The following ANKRD26 variants were observed in gnomAD, a reference collection of about 807,000 sequenced individuals.
The protein encoded by ANKRD26 is ankyrin repeat domain 26, also known as ankyrin repeat domain-containing protein 26.
Under a neutral mutation model 208.7 loss-of-function variants are expected in ANKRD26, and 141 were observed. That is an observed-to-expected ratio of 0.68 (90% CI 0.59 to 0.78). The LOEUF (loss-of-function observed/expected upper bound fraction) is 0.78, where lower values mean the gene tolerates loss of function less well. Among genes scored for constraint, ANKRD26 ranks in the 30% least tolerant of loss-of-function variants. The pLI, the probability that ANKRD26 is intolerant of heterozygous loss-of-function variation, is 0.00. For synonymous variants in ANKRD26, 636 were observed against 660.4 expected, an observed-to-expected ratio of 0.96 and a Z score of 0.57; for missense variants, 1,889 against 1,938.7, an observed-to-expected ratio of 0.97 and a Z score of 0.48.
In ANKRD26 at chr10:27,005,653, T is replaced by C. The variant is rs1265921254; in HGVS notation, c.5070A>G (p.Gln1690=). The C allele has an allele frequency of 2.5e-6, 4 of 1,613,226 alleles. No individual in the cohort carries two copies. The highest frequency in any genetic ancestry group is 1.1e-5 in the South Asian group (1 of 90,966). ...LGSTDESNLN[Q]DLVWKASREY... ...CTCTTGATGCTTTCCAAACTAGATC[T>C]TGATTTAGATTTGACTCATCAGTAG... Residue 1690 remains glutamine, a synonymous_variant, in exon 34 of 34, where the codon CAA becomes CAG. Coordinates refer to ENST00000376087, the MANE Select transcript of ANKRD26 (RefSeq NM_014915.3).
At chr10:26,986,837 G>A (rs936927227) in intron 3 of ANKRD26, among the ~76,000 whole-genome samples, 12 of 152,370 alleles carry the variant, frequency 7.9e-5, no homozygotes, top group African/African-American at 2.6e-4. Context: ...TGGTGGGACT[G>A]TAAACTAGTT....
At chr10:27,049,606 C>T (rs1489393437) in intron 16 of ANKRD26, among the ~76,000 whole-genome samples, 1 of 151,988 alleles carries the variant, frequency 6.6e-6, no homozygotes, top group African/African-American at 2.4e-5. Flanking sequence ...AGATGCTTCC[C>T]GAATTTCACA....
intron 1 of ANKRD26, among the ~76,000 whole-genome samples, chr10:27,097,396 G>C (rs927807294): frequency 3.3e-5 from 5 of 150,976 alleles, no homozygotes; most frequent in Non-Finnish European, 7.4e-5. Flanking sequence ...AGGAAGCAGA[G>C]GTTGCAGTAA....
chr10:27,058,581 G>T (rs558059052), intron 15 of ANKRD26, among the ~76,000 whole-genome samples: 1 of 146,924 alleles, frequency 6.8e-6, no homozygotes, highest in African/African-American at 2.6e-5. Context: ...ACTCCACCAT[G>T]ATTTTTTTTT....
chr10:26,978,820 T>G (rs2052264409), intron 5 of ANKRD26, among the ~76,000 whole-genome samples: 1 of 152,242 alleles, frequency 6.6e-6, no homozygotes, highest in African/African-American at 2.4e-5. Flanking sequence ...ATTTTATATC[T>G]GCTTGTCAGA....
At chr10:27,061,291 A>G (rs2055046105) in intron 12 of ANKRD26, 49 bp from the exon 13 acceptor site, 1 of 1,300,198 alleles carries the variant, frequency 7.7e-7, no homozygotes, top group Admixed American at 1.9e-5. Flanking sequence ...ATTTATCAAA[A>G]GGAAAAAATT....
chr10:26,985,026 T>G (rs1366571114), intron 3 of ANKRD26, among the ~76,000 whole-genome samples: 1 of 152,176 alleles, frequency 6.6e-6, no homozygotes, highest in Non-Finnish European at 1.5e-5. Context: ...AATCATTTTT[T>G]CACATAGGAT....
the ANKRD26 span, among the ~76,000 whole-genome samples, chr10:26,967,711 C>T: frequency 6.6e-6 from 1 of 152,182 alleles, no homozygotes; most frequent in African/African-American, 2.4e-5. Context: ...CTTCCTCAAA[C>T]CCAAACTTGT....
At chr10:27,082,709 C>T in intron 6 of ANKRD26, 94 bp downstream of exon 6, 1 of 1,469,408 alleles carries the variant, frequency 6.8e-7, no homozygotes, top group Non-Finnish European at 9.1e-7. Context: ...TATGGAGAAG[C>T]ACATAATATG....
At chr10:27,022,455 A>C (rs1479337155) in intron 29 of ANKRD26, 103 bp downstream of exon 29, 6 of 1,000,546 alleles carry the variant, frequency 6.0e-6, no homozygotes, top group Non-Finnish European at 8.6e-6. Flanking sequence ...CAAGTCCCTA[A>C]AGTTAAAAAA....
chr10:26,966,982 A>G, the ANKRD26 span, among the ~76,000 whole-genome samples: 8 of 152,192 alleles, frequency 5.3e-5, no homozygotes, highest in Admixed American at 1.3e-4. Context: ...ACATATTAAG[A>G]TATCCATCTC....
chr10:27,051,195 G>T (rs1267729782), intron 16 of ANKRD26: 2 of 1,289,730 alleles, frequency 1.6e-6, no homozygotes, highest in Non-Finnish European at 2.0e-6. Flanking sequence ...GTCACCACGT[G>T]GTGGAGAAGA....
At chr10:27,050,219 C>CAAAAAAA (rs67384671) in intron 16 of ANKRD26, among the ~76,000 whole-genome samples, 113 of 33,040 alleles carry the variant, frequency 3.4e-3, no homozygotes, top group East Asian at 0.012. Context: ...GAATCTGTCT[C>CAAAAAAA]AAAAAAAAAA....
At chr10:26,984,942 AC>A (rs1027616961) in intron 3 of ANKRD26, among the ~76,000 whole-genome samples, 32 of 152,268 alleles carry the variant, frequency 2.1e-4, no homozygotes, top group South Asian at 6.2e-4. Flanking sequence ...AATTTTACAA[AC>A]AATTTGAAAA....
chr10:26,991,419 G>A (rs2052483554), downstream of ANKRD26, among the ~76,000 whole-genome samples: 3 of 152,050 alleles, frequency 2.0e-5, no homozygotes, highest in Admixed American at 2.0e-4. Context: ...AAGGGAAAGG[G>A]TAGATATTGA....
At position 27,079,116 on chromosome 10, in the gene ANKRD26, A is replaced by T; in HGVS notation, c.786T>A (p.Asp262Glu). The T allele has an allele frequency of 6.2e-7, 1 of 1,613,920 alleles. No individual in the cohort carries two copies. The highest frequency in any genetic ancestry group is 8.5e-7 in the Non-Finnish European group (1 of 1,179,848). The change falls in exon 7 of 34, where the codon GAT becomes GAA. Residue 262 changes from aspartate to glutamate, a missense_variant. By Grantham distance (45) the Asp-to-Glu change is conservative. Coordinates refer to ENST00000376087, the MANE Select transcript of ANKRD26 (RefSeq NM_014915.3). ...PGVDDSWPTS[D>E]DEDLNFDTKN... is the part of the protein sequence containing the mutation. Reference sequence around the variant, plus strand: ...TAGTATCAAAATTGAGGTCTTCGTCATCTGAGGTAGGCCATGAATCATCAA... The same window carrying T: ...TAGTATCAAAATTGAGGTCTTCGTCTTCTGAGGTAGGCCATGAATCATCAA...
intron 9 of ANKRD26, among the ~76,000 whole-genome samples, chr10:27,075,525 C>T (rs894978700): frequency 6.6e-5 from 10 of 152,080 alleles, no homozygotes; most frequent in Admixed American, 2.6e-4. Context: ...ATAAAAGGAT[C>T]GATTCAACAA....
chr10:26,972,171 C>G (rs1440526142), downstream of ANKRD26, among the ~76,000 whole-genome samples: 1 of 149,870 alleles, frequency 6.7e-6, no homozygotes, highest in Non-Finnish European at 1.5e-5. Flanking sequence ...GGAGGCGGAG[C>G]TTGCAGTGAG....
chr10:26,980,609 T>G (rs1250182415), exon 5 of ANKRD26, among the ~76,000 whole-genome samples: 6 of 152,204 alleles, frequency 3.9e-5, no homozygotes, highest in Non-Finnish European at 7.3e-5. Context: ...GGTGTGATCA[T>G]GAGAGATGTT....
Sources: allele counts gnomAD v4.1 joint callset (sites outside exome capture counted in the v4.1 genomes callset), GRCh38; gene constraint gnomAD v4.1.1; transcripts MANE v1.5; gene names NCBI Gene and HGNC (gene_info 2026-07-23, HGNC 2026-07-21).